BACH1: variants seen among roughly 807,000 people sequenced by gnomAD.
BACH1 encodes BTB domain and CNC homolog 1, also known as transcription regulator protein BACH1.
A neutral mutation model predicts 52.9 loss-of-function variants in BACH1; 35 were observed. The ratio of observed to expected loss-of-function variants is 0.66; its 90% CI spans 0.51 to 0.88. The LOEUF is 0.88. Ranked by LOEUF, BACH1 falls within the 40% of genes least tolerant of loss-of-function variation. The probability of loss-of-function intolerance (pLI) is 0.00; values close to 1 mark genes in which losing one functional copy is unlikely to be tolerated. For missense variants in BACH1, 808 were observed against 872.6 expected (o/e 0.93, Z 0.93); for synonymous variants, 321 against 319.6 (o/e 1.00, Z -0.05).
intron 1 of BACH1, among the ~76,000 whole-genome samples, chr21:29,310,490 G>A (rs1247749699): frequency 1.3e-5 from 2 of 152,208 alleles, no homozygotes; most frequent in African/African-American, 4.8e-5. Flanking sequence ...AGTAATTTGA[G>A]TATGCAGTTG....
chr21:29,322,607 TAGG>T (rs1342316249), intron 2 of BACH1, among the ~76,000 whole-genome samples: 2 of 152,190 alleles, frequency 1.3e-5, no homozygotes, highest in Non-Finnish European at 2.9e-5. Flanking sequence ...AAATAGAAGT[TAGG>T]AGGAATATGG....
intron 1 of BACH1, among the ~76,000 whole-genome samples, chr21:29,301,836 T>C (rs949964381): frequency 6.6e-6 from 1 of 152,196 alleles, no homozygotes; most frequent in Admixed American, 6.5e-5. Flanking sequence ...AGACGACATA[T>C]TCAGTAAATC....
Position 29,310,670 on chromosome 21 carries a change from A to G in BACH1, c.-60-10551A>G, listed in dbSNP as rs534605088. On this transcript the variant is annotated intron_variant, in intron 1 of 4. Coordinates refer to ENST00000286800, the MANE Select transcript of BACH1 (RefSeq NM_001186.4). ...GAGGATTGTGGTATCCTGGAAGCCA[A>G]GTGAAGACAAGGTTTCAGGAAAGGA... is the stretch of plus-strand genomic sequence containing the variant. Among the ~76,000 whole-genome samples, 24 of 152,368 alleles carry G rather than the reference A, an allele frequency of 1.6e-4. No individual in the cohort carries two copies. In the South Asian group the frequency reaches 5.0e-3, roughly 32 times the overall value.
In BACH1 at chr21:29,326,886, A is replaced by C. The variant is rs1569015776; in HGVS notation, c.1062A>C (p.Thr354=). ...TVLTEKPLSG[T]DVQEKTFGES... is the part of the protein sequence containing the mutation. ...TAACAGAAAAGCCTTTGTCAGGTAC[A>C]GACGTCCAAGAAAAAACATTTGGTG... Residue 354 remains threonine, a synonymous_variant, in exon 3 of 5, where the codon ACA becomes ACC. Transcript: ENST00000286800. The C allele has an allele frequency of 1.2e-6, 2 of 1,614,248 alleles. No individual in the cohort carries two copies. Among genetic ancestry groups the C allele is most frequent in the East Asian group, 2.2e-5 (1 of 44,888 alleles).
rs1834953648 is a variant in BACH1 at position 29,326,838 on chromosome 21, T to C, written c.1014T>C (p.Ala338=). 6.2e-7 allele frequency: 1 copy of C among 1,614,190 alleles called. No individual in the cohort carries two copies. Among genetic ancestry groups the C allele is most frequent in the African/African-American group, 1.3e-5 (1 of 75,046 alleles). The change falls in exon 3 of 5, where the codon GCT becomes GCC. Residue 338 remains alanine (A), a synonymous_variant. Transcript: ENST00000286800. ...TYDQYGDLNF[A]GMQNTTVLTE... ...ACCAATATGGTGACTTGAATTTTGC[T>C]GGTATGCAAAACACAACAGTGTTAA...
chr21:29,339,629 GTTT>G (rs34979217), intron 4 of BACH1, among the ~76,000 whole-genome samples: 12 of 98,506 alleles, frequency 1.2e-4, no homozygotes, highest in Non-Finnish European at 1.5e-4. Context: ...AGATGCAAAG[GTTT>G]TTTTTTTTTT....
intron 1 of BACH1, among the ~76,000 whole-genome samples, chr21:29,305,003 A>C (rs1195224296): frequency 2.6e-5 from 4 of 152,202 alleles, no homozygotes; most frequent in African/African-American, 9.6e-5. Context: ...AAAAATGTAC[A>C]GTGGTTATCT....
intron 1 of BACH1, among the ~76,000 whole-genome samples, chr21:29,314,121 A>G (rs545877992): frequency 1.3e-5 from 2 of 152,336 alleles, no homozygotes; most frequent in Non-Finnish European, 2.9e-5. Context: ...TTCAGAATCA[A>G]GTAGCAGCCA....
Position 29,344,697 on chromosome 21 carries a change from C to T in BACH1, c.*1864C>T, listed in dbSNP as rs1434450967. ...GTGTATGTATACATATATATCTCTC[C>T]ATATAGGTATTTCTTTGATACTTGT... On this transcript the variant is annotated 3_prime_UTR_variant, in exon 5 of 5. Transcript: ENST00000286800. 6 of 148,126 alleles carry T rather than the reference C, an allele frequency of 4.1e-5. No individual in the cohort carries two copies. The highest frequency in any genetic ancestry group is 6.7e-5 in the Admixed American group (1 of 14,820). The allele number at this position is 148,126 out of a possible 1,614,324, so 9.2% of individuals were successfully genotyped here.
intron 2 of BACH1, among the ~76,000 whole-genome samples, chr21:29,356,584 T>A (rs1455080771): frequency 1.3e-5 from 2 of 152,382 alleles, no homozygotes; most frequent in Non-Finnish European, 2.9e-5. Flanking sequence ...GAGTTCCTCC[T>A]AGATCTGGTC....
intron 4 of BACH1, among the ~76,000 whole-genome samples, chr21:29,337,671 G>A (rs1483489348): frequency 6.6e-6 from 1 of 152,166 alleles, no homozygotes; most frequent in Non-Finnish European, 1.5e-5. Context: ...GACACAGGGT[G>A]GGGAACATCA....
At chr21:29,311,870 A>G (rs930403909) in intron 1 of BACH1, among the ~76,000 whole-genome samples, 5 of 152,214 alleles carry the variant, frequency 3.3e-5, no homozygotes, top group Admixed American at 6.5e-5. Context: ...TTTACATTCT[A>G]TGCTATAGTT....
chr21:29,314,917 A>T (rs1334531039), intron 1 of BACH1, among the ~76,000 whole-genome samples: 2 of 152,248 alleles, frequency 1.3e-5, no homozygotes, highest in African/African-American at 4.8e-5. Flanking sequence ...AGAAAATAAC[A>T]GCTTGGTCAT....
chr21:29,350,334 G>A (rs1027914192), downstream of BACH1, among the ~76,000 whole-genome samples: 1 of 152,122 alleles, frequency 6.6e-6, no homozygotes, highest in Non-Finnish European at 1.5e-5. Flanking sequence ...AAGGAACATT[G>A]CATATTCCTT....
chr21:29,316,420 A>G (rs1000705379), intron 1 of BACH1, among the ~76,000 whole-genome samples: 2 of 152,218 alleles, frequency 1.3e-5, no homozygotes, highest in Non-Finnish European at 2.9e-5. Context: ...AGGTCAGCAA[A>G]CTTTTATTTT....
intron 2 of BACH1, among the ~76,000 whole-genome samples, chr21:29,356,501 A>G (rs1601377981): frequency 6.6e-6 from 1 of 152,222 alleles, no homozygotes; most frequent in South Asian, 2.1e-4. Context: ...TTTCCTTATC[A>G]CTTACTGAAT....
At chr21:29,342,039 A>G (rs895087606) in intron 4 of BACH1, among the ~76,000 whole-genome samples, 4 of 152,208 alleles carry the variant, frequency 2.6e-5, no homozygotes, top group Non-Finnish European at 5.9e-5. Context: ...CCAAATTGAC[A>G]TTAGACTACA....
intron 2 of BACH1, among the ~76,000 whole-genome samples, chr21:29,353,011 C>A (rs1284209819): frequency 6.6e-6 from 1 of 152,038 alleles, no homozygotes; most frequent in Non-Finnish European, 1.5e-5. Flanking sequence ...CTGTGTCCAG[C>A]CTAATTTTTG....
intron 1 of BACH1, among the ~76,000 whole-genome samples, chr21:29,317,714 G>C (rs2088804527): frequency 6.6e-6 from 1 of 152,212 alleles, no homozygotes; most frequent in Non-Finnish European, 1.5e-5. Flanking sequence ...GGGGTCAAGA[G>C]GGGCTTTAGG....
Sources: gnomAD v4.1 joint callset for allele counts (sites outside exome capture counted in the v4.1 genomes callset) on GRCh38, gnomAD v4.1.1 for gene constraint, MANE v1.5 for transcripts, NCBI Gene and HGNC (gene_info 2026-07-23, HGNC 2026-07-21) for gene names.